Variants in POLN observed in about 807,000 individuals in gnomAD.
POLN encodes DNA polymerase nu.
A neutral mutation model predicts 113.5 loss-of-function variants in POLN; 108 were observed. The ratio of observed to expected loss-of-function variants is 0.95; its 90% CI spans 0.81 to 1.12. POLN has a LOEUF of 1.12. Ranked by LOEUF, POLN falls within the 50% of genes most tolerant of loss-of-function variation. The probability of loss-of-function intolerance (pLI) is 0.00; values close to 1 mark genes in which losing one functional copy is unlikely to be tolerated. For synonymous variants in POLN, 386 were observed against 391.5 expected, an observed-to-expected ratio of 0.99 and a Z score of 0.17; for missense variants, 1,097 against 1,077.1, an observed-to-expected ratio of 1.02 and a Z score of -0.26.
chr4:2,110,844 T>C lies in POLN; in HGVS notation c.1983-14911A>G, dbSNP rs529496350. 2.3e-3 allele frequency among the ~76,000 whole-genome samples: 349 copies of C among 152,322 alleles called. 4 individuals carry two copies. The highest frequency in any genetic ancestry group is 3.8e-3 in the Admixed American group (58 of 15,300). On this transcript the variant is annotated intron_variant, in intron 19 of 25. Coordinates refer to ENST00000511885, the MANE Select transcript of POLN (RefSeq NM_181808.4). ...GAGCTGGTACCATTCCTTCTGAAAC[T>C]ATTCCAATCAACAGAAAAAGAGGGA...
At chr4:2,101,910 G>A (rs756131615) in intron 19 of POLN, among the ~76,000 whole-genome samples, 3 of 152,198 alleles carry the variant, frequency 2.0e-5, no homozygotes, top group Non-Finnish European at 4.4e-5. Context: ...CCCCAGGGCT[G>A]AATTGTGGGT....
intron 16 of POLN, among the ~76,000 whole-genome samples, chr4:2,136,040 G>A (rs1049278243): frequency 6.6e-6 from 1 of 152,188 alleles, no homozygotes; most frequent in African/African-American, 2.4e-5. Context: ...ATTTGTTGGA[G>A]TCAATCATGT....
chr4:2,089,678 G>C (rs1348597805), intron 20 of POLN: 5 of 704,700 alleles, frequency 7.1e-6, no homozygotes, highest in Non-Finnish European at 1.2e-5. Flanking sequence ...TCCTGTACTG[G>C]AATGTTTTAA....
intron 7 of POLN, among the ~76,000 whole-genome samples, chr4:2,186,568 A>T (rs1733279455): frequency 6.6e-6 from 1 of 152,208 alleles, no homozygotes; most frequent in African/African-American, 2.4e-5. Context: ...AAAAGGAAGC[A>T]AGGACCTAGC....
intron 5 of POLN, among the ~76,000 whole-genome samples, chr4:2,206,718 G>C (rs1472136191): frequency 3.3e-5 from 5 of 152,176 alleles, no homozygotes; most frequent in African/African-American, 1.2e-4. Context: ...ACTCCTGCAA[G>C]AATGGCCATA....
At chr4:2,076,620 A>G (rs529373091) in intron 23 of POLN, 1 of 152,394 alleles carries the variant, frequency 6.6e-6, no homozygotes, top group East Asian at 1.9e-4. Flanking sequence ...GTCACGTCCT[A>G]TCTTCGCCCC....
In POLN at chr4:2,095,842, G is replaced by A. The variant is rs113901581; in HGVS notation, c.2065+9C>T. 1.0e-4 allele frequency: 161 copies of A among 1,613,334 alleles called. No individual in the cohort carries two copies. In the African/African-American group the frequency reaches 1.4e-3, roughly 14 times the overall value. On this transcript the variant is annotated intron_variant, in intron 20 of 25. Coordinates refer to ENST00000511885, the MANE Select transcript of POLN (RefSeq NM_181808.4). Reference sequence around the variant, plus strand: ...ACCCCGAGACCCCAGCTCCCGGCCCGCAGCCTACCTGCTCCATAGACCACC... The same window carrying A: ...ACCCCGAGACCCCAGCTCCCGGCCCACAGCCTACCTGCTCCATAGACCACC...
chr4:2,108,408 A>G (rs1288263335), intron 19 of POLN, among the ~76,000 whole-genome samples: 1 of 152,222 alleles, frequency 6.6e-6, no homozygotes, highest in East Asian at 1.9e-4. Context: ...GTGCTTAGAC[A>G]AACCTAGACA....
At chr4:2,164,935 C>G (rs543204571) in intron 13 of POLN, among the ~76,000 whole-genome samples, 1 of 145,588 alleles carries the variant, frequency 6.9e-6, no homozygotes, top group African/African-American at 2.5e-5. Flanking sequence ...TGTGGAGCAA[C>G]AGGAACTCTC....
chr4:2,117,667 T>C (rs1006801092), intron 19 of POLN, among the ~76,000 whole-genome samples: 2 of 152,226 alleles, frequency 1.3e-5, no homozygotes, highest in Admixed American at 1.3e-4. Context: ...CACCGGCCCA[T>C]GGCAGCTCTG....
intron 19 of POLN, among the ~76,000 whole-genome samples, chr4:2,116,886 C>T (rs1044190072): frequency 5.9e-5 from 9 of 152,152 alleles, no homozygotes; most frequent in South Asian, 2.1e-4. Context: ...CTGACTCAGA[C>T]GCCTAGCAAA....
intron 21 of POLN, 84 bp downstream of exon 21, chr4:2,085,529 C>G: frequency 1.3e-6 from 2 of 1,574,850 alleles, no homozygotes; most frequent in Non-Finnish European, 1.7e-6. Flanking sequence ...CAGGGCCCGC[C>G]TGCACACCAA....
At chr4:2,201,277 CAAAAAAAAAAAA>C (rs35399602) in intron 5 of POLN, among the ~76,000 whole-genome samples, 8 of 15,834 alleles carry the variant, frequency 5.1e-4, no homozygotes, top group South Asian at 8.5e-3. Flanking sequence ...CCTACCACTC[CAAAAAAAAAAAA>C]AAAAAAAAAA....
intron 20 of POLN, chr4:2,090,058 C>A: frequency 1.1e-6 from 1 of 895,994 alleles, no homozygotes; most frequent in Non-Finnish European, 1.8e-6. Flanking sequence ...ATGAGATAAT[C>A]CATATTTTCC....
chr4:2,145,515 G>A (rs1577720902), intron 16 of POLN, among the ~76,000 whole-genome samples: 2 of 152,240 alleles, frequency 1.3e-5, no homozygotes, highest in South Asian at 2.1e-4. Context: ...GTGAGTCATT[G>A]AAAAAATTCA....
intron 2 of POLN, chr4:2,240,671 A>C: frequency 6.2e-7 from 1 of 1,614,068 alleles, no homozygotes; most frequent in South Asian, 1.1e-5. Context: ...CATCCAGTCT[A>C]GGTGTCTTCA....
intron 19 of POLN, among the ~76,000 whole-genome samples, chr4:2,100,252 T>C (rs887894219): frequency 3.9e-5 from 6 of 152,138 alleles, no homozygotes; most frequent in Admixed American, 2.6e-4. Context: ...TTTTGATAAC[T>C]GGTATTTAAA....
intron 5 of POLN, among the ~76,000 whole-genome samples, chr4:2,204,282 T>C (rs559468059): frequency 6.6e-6 from 1 of 151,538 alleles, no homozygotes; most frequent in Admixed American, 6.6e-5. Flanking sequence ...ACCACAAAAA[T>C]GAAAAGATCA....
intron 13 of POLN, among the ~76,000 whole-genome samples, chr4:2,169,634 T>G (rs1404372707): frequency 6.6e-6 from 1 of 152,190 alleles, no homozygotes; most frequent in Non-Finnish European, 1.5e-5. Context: ...ACTATTATTA[T>G]TTTTCTTTTA....
Sources: allele counts gnomAD v4.1 joint callset (sites outside exome capture counted in the v4.1 genomes callset), GRCh38; gene constraint gnomAD v4.1.1; transcripts MANE v1.5; gene names NCBI Gene and HGNC (gene_info 2026-07-23, HGNC 2026-07-21).